PRDM1: variants seen among roughly 807,000 people sequenced by gnomAD.
PRDM1 encodes the protein PR/SET domain 1.
A neutral mutation model predicts 62.8 loss-of-function variants in PRDM1; 13 were observed. The ratio of observed to expected loss-of-function variants is 0.21; its 90% CI spans 0.13 to 0.33. PRDM1 has a LOEUF of 0.33. PRDM1 is among the 10% of genes least tolerant of loss of function. The pLI, the probability that PRDM1 is intolerant of heterozygous loss-of-function variation, is 1.00. For missense variants in PRDM1, 895 were observed against 1,058.8 expected, an observed-to-expected ratio of 0.85 and a Z score of 2.15; for synonymous variants, 396 against 417.6, an observed-to-expected ratio of 0.95 and a Z score of 0.63.
At chr6:106,053,305 G>A (rs187361090) in intron 1 of PRDM1, among the ~76,000 whole-genome samples, 159 of 152,052 alleles carry the variant, frequency 1.0e-3, no homozygotes, top group African/African-American at 3.4e-3. Context: ...AGTCGTTTTT[G>A]AATCAGACAG....
intron 1 of PRDM1, among the ~76,000 whole-genome samples, chr6:106,055,686 AACTTGTGGACATTTC>A (rs748938947): frequency 6.6e-6 from 1 of 152,248 alleles, no homozygotes; most frequent in Non-Finnish European, 1.5e-5. Context: ...CTTTGAGCAG[AACTTGTGGACATTTC>A]ACCAATTGAA....
chr6:106,104,353 A>T (rs1774371513), intron 4 of PRDM1, among the ~76,000 whole-genome samples: 1 of 152,154 alleles, frequency 6.6e-6, no homozygotes. Flanking sequence ...CTGGGATTAC[A>T]GGTGTGCGCC....
At chr6:106,038,012 G>GTTTTTTTTTTTTTTTTTTTTTTTTTTT (rs1302119750) in intron 1 of PRDM1, among the ~76,000 whole-genome samples, 1 of 20,522 alleles carries the variant, frequency 4.9e-5, no homozygotes, top group African/African-American at 2.2e-4. Context: ...TGCTATTTTT[G>GTTTTTTTTTTTTTTTTTTTTTTTTTTT]TCTTTTTTTT....
chr6:106,043,257 A>G (rs764412836), intron 1 of PRDM1, among the ~76,000 whole-genome samples: 7 of 152,180 alleles, frequency 4.6e-5, no homozygotes, highest in African/African-American at 1.4e-4. Flanking sequence ...AACACAAACA[A>G]TTGCCATAAT....
chr6:106,092,700 C>T (rs573224081), intron 2 of PRDM1, among the ~76,000 whole-genome samples: 3 of 152,190 alleles, frequency 2.0e-5, no homozygotes, highest in African/African-American at 7.2e-5. Context: ...TTTTCACTTC[C>T]CTTTAAAAAC....
intron 1 of PRDM1, among the ~76,000 whole-genome samples, chr6:106,029,112 G>A (rs1300504034): frequency 6.6e-6 from 1 of 151,750 alleles, no homozygotes. Context: ...GTAGAGACGG[G>A]GTTTCATCAT....
chr6:106,010,520 T>C (rs1354057588), intron 1 of PRDM1, among the ~76,000 whole-genome samples: 1 of 152,200 alleles, frequency 6.6e-6, no homozygotes, highest in Non-Finnish European at 1.5e-5. Flanking sequence ...TAATTAAGCA[T>C]ATACACCATG....
chr6:106,050,900 A>G (rs1471042737), intron 1 of PRDM1, among the ~76,000 whole-genome samples: 1 of 152,252 alleles, frequency 6.6e-6, no homozygotes, highest in Non-Finnish European at 1.5e-5. Context: ...TAATGAAAAA[A>G]AGTGTTTACT....
chr6:106,035,323 G>C (rs1422791808), intron 1 of PRDM1, among the ~76,000 whole-genome samples: 1 of 151,978 alleles, frequency 6.6e-6, no homozygotes, highest in African/African-American at 2.4e-5. Context: ...CTAAACTCTT[G>C]GGATTTAATC....
chr6:106,032,325 A>T (rs1180893196), intron 1 of PRDM1, among the ~76,000 whole-genome samples: 1 of 144,084 alleles, frequency 6.9e-6, no homozygotes. Flanking sequence ...CACCCAGCTA[A>T]TTTTTTTTTT....
intron 1 of PRDM1, among the ~76,000 whole-genome samples, chr6:106,032,136 A>G (rs1348847868): frequency 6.6e-6 from 1 of 152,132 alleles, no homozygotes; most frequent in East Asian, 1.9e-4. Context: ...CAAGAAAGTA[A>G]AGTAATAAAA....
At chr6:106,055,589 A>C (rs1773250821) in intron 1 of PRDM1, among the ~76,000 whole-genome samples, 1 of 152,200 alleles carries the variant, frequency 6.6e-6, no homozygotes, top group Admixed American at 6.5e-5. Flanking sequence ...CACAGTTAAT[A>C]CGTAAGGGAC....
intron 1 of PRDM1, among the ~76,000 whole-genome samples, chr6:106,006,943 G>T (rs1251542405): frequency 6.6e-6 from 1 of 151,948 alleles, no homozygotes; most frequent in Admixed American, 6.6e-5. Context: ...AATTTGGAAG[G>T]TGTACTAAGA....
chr6:105,996,961 A>G (rs1562140782), intron 1 of PRDM1, among the ~76,000 whole-genome samples: 1 of 152,238 alleles, frequency 6.6e-6, no homozygotes, highest in Non-Finnish European at 1.5e-5. Context: ...TGCAAAAGCT[A>G]CTACTTATTT....
chr6:106,001,270 T>C (rs1170117950), intron 1 of PRDM1, among the ~76,000 whole-genome samples: 1 of 152,214 alleles, frequency 6.6e-6, no homozygotes, highest in Non-Finnish European at 1.5e-5. Flanking sequence ...CTAGTGTGGA[T>C]TCTAATTCCT....
At chr6:106,066,073 G>A (rs966389966) in intron 1 of PRDM1, among the ~76,000 whole-genome samples, 5 of 152,180 alleles carry the variant, frequency 3.3e-5, no homozygotes, top group African/African-American at 9.7e-5. Context: ...TTGGTTGGGA[G>A]GCCCTTGGAG....
intron 4 of PRDM1, 51 bp from the exon 5 acceptor site, chr6:106,104,774 C>G: frequency 1.3e-6 from 2 of 1,537,006 alleles, no homozygotes; most frequent in Non-Finnish European, 1.7e-6. Flanking sequence ...GGCAGTTTTG[C>G]TTCAGTTCTC....
At chr6:106,049,969 CT>C (rs1315313797) in intron 1 of PRDM1, among the ~76,000 whole-genome samples, 2 of 152,142 alleles carry the variant, frequency 1.3e-5, no homozygotes, top group Non-Finnish European at 2.9e-5. Flanking sequence ...CTGCTGACCA[CT>C]TTTTTAGTTC....
At chr6:106,021,424 A>G (rs1254429678) in intron 1 of PRDM1, among the ~76,000 whole-genome samples, 3 of 152,210 alleles carry the variant, frequency 2.0e-5, no homozygotes, top group East Asian at 1.9e-4. Flanking sequence ...AATTTGCCCA[A>G]GTAGCCAAGT....
Sources: allele counts gnomAD v4.1 joint callset (sites outside exome capture counted in the v4.1 genomes callset), GRCh38; gene constraint gnomAD v4.1.1; transcripts MANE v1.5; gene names NCBI Gene and HGNC (gene_info 2026-07-23, HGNC 2026-07-21).